The following DNER variants were observed in gnomAD, a reference collection of about 807,000 sequenced individuals.
DNER encodes delta and Notch-like epidermal growth factor-related receptor.
DNER carries 33 observed loss-of-function variants against 78.2 expected under a neutral mutation model. That is an observed-to-expected ratio of 0.42 (90% CI 0.32 to 0.56). DNER has a LOEUF of 0.56. Ranked by LOEUF, DNER falls within the 20% of genes least tolerant of loss-of-function variation. The pLI is 0.11. For synonymous variants in DNER, 417 were observed against 384.8 expected, an observed-to-expected ratio of 1.08 and a Z score of -0.98; for missense variants, 918 against 975.3, an observed-to-expected ratio of 0.94 and a Z score of 0.78.
chr2:229,550,118 A>G (rs1696703209), intron 4 of DNER, among the ~76,000 whole-genome samples: 2 of 151,390 alleles, frequency 1.3e-5, no homozygotes, highest in African/African-American at 4.9e-5. Flanking sequence ...CCAGCCTCCC[A>G]AGTACCTGGG....
intron 6 of DNER, among the ~76,000 whole-genome samples, chr2:229,492,283 G>A (rs1275570508): frequency 1.3e-5 from 2 of 152,190 alleles, no homozygotes; most frequent in Admixed American, 6.5e-5. Flanking sequence ...CAACCAGTAG[G>A]TAGAAGTGGT....
In DNER at chr2:229,714,353, AGC is replaced by A; in HGVS notation, c.69_70del (p.Leu24ArgfsTer40). On this transcript the variant is annotated frameshift_variant, in exon 1 of 13. Transcript: ENST00000341772. LOFTEE classifies it high-confidence loss of function. ...GGAGCTGCCTCGGGGCCCCGCTCCG[AGC>A]AGCAGCAGCAGCAGGGCCAGCGCGG... 8.3e-7 allele frequency: 1 copy of A among 1,199,734 alleles called. No individual in the cohort carries two copies. Among genetic ancestry groups the A allele is most frequent in the Non-Finnish European group, 1.0e-6 (1 of 969,158 alleles). The allele number at this position is 1,199,734 out of a possible 1,614,324, so 74.3% of individuals were successfully genotyped here.
intron 12 of DNER, among the ~76,000 whole-genome samples, chr2:229,360,767 C>T (rs1692192829): frequency 1.3e-5 from 2 of 152,216 alleles, no homozygotes; most frequent in Admixed American, 6.5e-5. Context: ...GCCACCTATG[C>T]ATGTTCAAGG....
intron 8 of DNER, among the ~76,000 whole-genome samples, chr2:229,421,587 A>G (rs1693764282): frequency 1.3e-5 from 2 of 150,508 alleles, no homozygotes; most frequent in African/African-American, 4.9e-5. Flanking sequence ...AAAATACACA[A>G]CATAAAAAAT....
chr2:229,525,583 T>A (rs1696192317), intron 5 of DNER, among the ~76,000 whole-genome samples: 1 of 152,210 alleles, frequency 6.6e-6, no homozygotes, highest in South Asian at 2.1e-4. Context: ...ATTTCTATAG[T>A]CTCTGATCTA....
intron 4 of DNER, among the ~76,000 whole-genome samples, chr2:229,562,969 A>G (rs1183232968): frequency 6.6e-6 from 1 of 150,498 alleles, no homozygotes; most frequent in Non-Finnish European, 1.5e-5. Context: ...CATCATCATC[A>G]TCATCCTCAC....
intron 1 of DNER, among the ~76,000 whole-genome samples, chr2:229,624,224 T>C (rs905775350): frequency 6.6e-6 from 1 of 151,574 alleles, no homozygotes; most frequent in Admixed American, 6.6e-5. Flanking sequence ...GGTAAGAATA[T>C]AACAAAAGGA....
At chr2:229,682,880 G>GA (rs1044867475) in intron 1 of DNER, among the ~76,000 whole-genome samples, 8 of 152,062 alleles carry the variant, frequency 5.3e-5, no homozygotes, top group African/African-American at 1.7e-4. Context: ...AAAGGAATGA[G>GA]AGAGTGACAG....
rs1334729372 is a variant in DNER at position 229,714,537 on chromosome 2, C to T, written c.-114G>A. ...TGGCGGCTAGGGCTGCTCCGCCGGG[C>T]CGGGCGCCTCCTGCAGCTGCGGGAT... On this transcript the variant is annotated 5_prime_UTR_variant, in exon 1 of 13. Coordinates refer to ENST00000341772, the MANE Select transcript of DNER (RefSeq NM_139072.4). 1.5e-4 allele frequency: 152 copies of T among 1,033,320 alleles called. No individual in the cohort carries two copies. Among genetic ancestry groups the T allele is most frequent in the Non-Finnish European group, 1.6e-4 (137 of 860,776 alleles). The allele number at this position is 1,033,320 out of a possible 1,614,324, so 64.0% of individuals were successfully genotyped here.
At chr2:229,627,657 A>G (rs1032272208) in intron 1 of DNER, among the ~76,000 whole-genome samples, 2 of 152,246 alleles carry the variant, frequency 1.3e-5, no homozygotes, top group African/African-American at 2.4e-5. Flanking sequence ...GCGAAGCCTT[A>G]TAGATGGCAA....
At chr2:229,577,250 A>C (rs568876367) in intron 4 of DNER, among the ~76,000 whole-genome samples, 1 of 152,364 alleles carries the variant, frequency 6.6e-6, no homozygotes, top group Admixed American at 6.5e-5. Flanking sequence ...CTAATAAAGT[A>C]CTGCAGGCTT....
At chr2:229,389,902 T>C (rs1436480142) in intron 10 of DNER, among the ~76,000 whole-genome samples, 2 of 152,252 alleles carry the variant, frequency 1.3e-5, no homozygotes, top group Admixed American at 1.3e-4. Context: ...ACAAATATTG[T>C]CACTTACATC....
At chr2:229,696,419 T>G (rs1179415039) in intron 1 of DNER, among the ~76,000 whole-genome samples, 1 of 152,228 alleles carries the variant, frequency 6.6e-6, no homozygotes, top group Non-Finnish European at 1.5e-5. Context: ...TCAAACCCTG[T>G]GCTGTTGCTT....
intron 1 of DNER, among the ~76,000 whole-genome samples, chr2:229,641,661 C>T (rs1468422283): frequency 6.6e-6 from 1 of 151,886 alleles, no homozygotes; most frequent in East Asian, 1.9e-4. Flanking sequence ...ATATTGCAAC[C>T]TTCATACTGG....
intron 1 of DNER, among the ~76,000 whole-genome samples, chr2:229,712,059 C>A (rs1437439029): frequency 2.0e-5 from 3 of 152,196 alleles, no homozygotes; most frequent in Admixed American, 2.0e-4. Context: ...GTTCCAAGTT[C>A]ACTAAGCTTT....
At chr2:229,377,936 T>G (rs1406266559) in intron 11 of DNER, among the ~76,000 whole-genome samples, 1 of 152,152 alleles carries the variant, frequency 6.6e-6, no homozygotes, top group Non-Finnish European at 1.5e-5. Flanking sequence ...ATTGAGATCT[T>G]GAGATGGAGA....
chr2:229,544,061 GAATTAA>G (rs1429108877), intron 5 of DNER, among the ~76,000 whole-genome samples: 12 of 149,728 alleles, frequency 8.0e-5, no homozygotes, highest in Admixed American at 5.3e-4. Flanking sequence ...TCTAAAAATT[GAATTAA>G]AATTAAAAAA....
intron 6 of DNER, among the ~76,000 whole-genome samples, chr2:229,477,858 A>T (rs1014502111): frequency 6.6e-6 from 1 of 152,234 alleles, no homozygotes; most frequent in Non-Finnish European, 1.5e-5. Flanking sequence ...CAACTAAATT[A>T]TCTGTGAAGC....
chr2:229,596,932 C>T (rs1697725327), intron 1 of DNER, among the ~76,000 whole-genome samples: 1 of 152,304 alleles, frequency 6.6e-6, no homozygotes, highest in Admixed American at 6.5e-5. Flanking sequence ...CATGCACACG[C>T]ACATGCACAT....
Sources: gnomAD v4.1 joint callset for allele counts (sites outside exome capture counted in the v4.1 genomes callset) on GRCh38, gnomAD v4.1.1 for gene constraint, MANE v1.5 for transcripts, NCBI Gene and HGNC (gene_info 2026-07-23, HGNC 2026-07-21) for gene names.